Variants in EBAG9 observed in about 807,000 individuals in gnomAD.
The protein encoded by EBAG9 is estrogen receptor binding site associated antigen 9.
A neutral mutation model predicts 30.9 loss-of-function variants in EBAG9; 16 were observed. The observed-to-expected ratio is 0.52, with a 90% CI of 0.35 to 0.79. The LOEUF is 0.79. Ranked by LOEUF, EBAG9 falls within the 30% of genes least tolerant of loss-of-function variation. The pLI is 0.01. For missense variants in EBAG9, 197 were observed against 242.1 expected (o/e 0.81, Z 1.24); for synonymous variants, 93 against 82.8 (o/e 1.12, Z -0.67).
chr8:109,545,359 C>A, intron 1 of EBAG9, among the ~76,000 whole-genome samples: 2 of 146,978 alleles, frequency 1.4e-5, no homozygotes, highest in Admixed American at 6.8e-5. Context: ...CAAAATAATG[C>A]CAGTTTTACC....
intron 1 of EBAG9, among the ~76,000 whole-genome samples, chr8:109,548,545 G>A (rs1821430611): frequency 6.6e-6 from 1 of 152,106 alleles, no homozygotes; most frequent in African/African-American, 2.4e-5. Flanking sequence ...GATTTTGGTT[G>A]AGATTGCCTG....
chr8:109,559,533 C>T (rs774452796), intron 5 of EBAG9, among the ~76,000 whole-genome samples: 4 of 152,026 alleles, frequency 2.6e-5, no homozygotes, highest in African/African-American at 4.8e-5. Flanking sequence ...GAAAGCCAGC[C>T]GAGTGCAGTG....
At chr8:109,544,678 GCACATATGCACACA>G (rs1402613007) in intron 1 of EBAG9, among the ~76,000 whole-genome samples, 1 of 152,166 alleles carries the variant, frequency 6.6e-6, no homozygotes, top group Non-Finnish European at 1.5e-5. Flanking sequence ...GTAAGTGTGT[GCACATATGCACACA>G]CATATGTATG....
At chr8:109,557,161 G>C (rs182803837) in intron 5 of EBAG9, 119 bp downstream of exon 5, 164 of 539,406 alleles carry the variant, frequency 3.0e-4, no homozygotes, top group Non-Finnish European at 4.7e-4. Flanking sequence ...TTTGAAACAG[G>C]TTTAGCAGTT....
chr8:109,560,986 C>A, intron 6 of EBAG9, 57 bp downstream of exon 6: 1 of 1,472,146 alleles, frequency 6.8e-7, no homozygotes, highest in Non-Finnish European at 9.4e-7. Flanking sequence ...TTCTTCCCTG[C>A]TGTGTTTCAA....
intron 6 of EBAG9, chr8:109,563,249 A>T: frequency 1.3e-6 from 1 of 792,530 alleles, no homozygotes; most frequent in Non-Finnish European, 2.0e-6. Context: ...CACTGTAGTT[A>T]ATATTGAGCT....
At chr8:109,553,313 G>T (rs182307921) in intron 2 of EBAG9, among the ~76,000 whole-genome samples, 1 of 152,250 alleles carries the variant, frequency 6.6e-6, no homozygotes, top group Non-Finnish European at 1.5e-5. Flanking sequence ...GAAAACTGTG[G>T]TTTACACAGA....
At position 109,565,395 on chromosome 8, in the gene EBAG9, C is replaced by CTT. The variant is rs1224935248; in HGVS notation, c.*837_*838dup. On this transcript the variant is annotated 3_prime_UTR_variant, in exon 7 of 7. Transcript: ENST00000337573. The stretch of plus-strand genomic sequence containing the variant: ...CCCAAAAGCCATTAATTTACAAATG[C>CTT]TTAAAGCCATCAGGTCAAATATTTC... 9.2e-5 allele frequency: 14 copies of CTT among 152,012 alleles called. No homozygotes were observed. Among genetic ancestry groups the CTT allele is most frequent in the African/African-American group, 3.4e-4 (14 of 41,426 alleles). The allele number at this position is 152,012 out of a possible 1,614,324, so 9.4% of individuals were successfully genotyped here. A position where few individuals can be genotyped will look rare whatever the true frequency, so the allele number is the denominator to read the frequency against.
At chr8:109,546,084 A>T (rs1821378725) in intron 1 of EBAG9, among the ~76,000 whole-genome samples, 1 of 152,230 alleles carries the variant, frequency 6.6e-6, no homozygotes, top group Admixed American at 6.5e-5. Flanking sequence ...AGAAGTTCTG[A>T]AATAATGTTT....
chr8:109,553,350 G>C (rs1394198660), intron 2 of EBAG9, among the ~76,000 whole-genome samples: 1 of 152,176 alleles, frequency 6.6e-6, no homozygotes, highest in Non-Finnish European at 1.5e-5. Context: ...CTTAACAACT[G>C]AGTTATAGTA....
chr8:109,564,562 C>T lies in EBAG9; in HGVS notation c.*3C>T. The stretch of plus-strand genomic sequence containing the variant: ...AAATTGGTGTGAAACTTTCATAACA[C>T]ATGTTCAAATTTTATCATGCCAGTA... On this transcript the variant is annotated 3_prime_UTR_variant, in exon 7 of 7. Coordinates refer to ENST00000337573, the MANE Select transcript of EBAG9 (RefSeq NM_004215.5). The T allele has an allele frequency of 6.2e-7, 1 of 1,611,348 alleles. No individual in the cohort carries two copies.
At chr8:109,557,625 T>G in intron 5 of EBAG9, 1 of 453,924 alleles carries the variant, frequency 2.2e-6, no homozygotes, top group African/African-American at 2.0e-5. Flanking sequence ...CCAAATTCAG[T>G]GACTTAAAAT....
chr8:109,554,927 T>A, intron 4 of EBAG9, 40 bp downstream of exon 4: 1 of 1,575,288 alleles, frequency 6.3e-7, no homozygotes, highest in Non-Finnish European at 8.7e-7. Flanking sequence ...AAACTACTTT[T>A]TAGATTCCTA....
intron 4 of EBAG9, 98 bp downstream of exon 4, chr8:109,554,985 C>CA: frequency 1.0e-6 from 1 of 958,416 alleles, no homozygotes; most frequent in Non-Finnish European, 1.4e-6. Context: ...AAGCCTATTT[C>CA]TTTTTTTTTT....
intron 5 of EBAG9, 60 bp downstream of exon 5, chr8:109,557,102 G>C (rs1821616404): frequency 9.1e-7 from 1 of 1,101,420 alleles, no homozygotes; most frequent in African/African-American, 1.6e-5. Flanking sequence ...CTTTAAAGCA[G>C]AGGAATAAAA....
intron 4 of EBAG9, among the ~76,000 whole-genome samples, chr8:109,556,167 CAT>C (rs753192209): frequency 6.6e-5 from 10 of 151,406 alleles, no homozygotes; most frequent in African/African-American, 9.7e-5. Context: ...ATATTTTTAT[CAT>C]ATATATATAT....
chr8:109,558,393 A>G (rs943585174), intron 5 of EBAG9, among the ~76,000 whole-genome samples: 4 of 152,210 alleles, frequency 2.6e-5, no homozygotes, highest in Admixed American at 6.5e-5. Context: ...CTATGAACAC[A>G]TAACACCATA....
intron 1 of EBAG9, among the ~76,000 whole-genome samples, chr8:109,543,135 C>CTTTTTTTTTTTTTTTTCTTTTTTTTTTTT (rs1821310933): frequency 1.9e-5 from 1 of 52,860 alleles, no homozygotes; most frequent in African/African-American, 4.0e-5. Context: ...TATTCTGGTT[C>CTTTTTTTTTTTTTTTTCTTTTTTTTTTTT]TTTTTTTTTT....
At chr8:109,553,751 T>A (rs1032547555) in intron 2 of EBAG9, 114 bp from the exon 3 acceptor site, 3 of 767,298 alleles carry the variant, frequency 3.9e-6, no homozygotes, top group Non-Finnish European at 6.1e-6. Context: ...AAATCAATAA[T>A]CATAAAATTG....
Sources: gnomAD v4.1 joint callset for allele counts (sites outside exome capture counted in the v4.1 genomes callset) on GRCh38, gnomAD v4.1.1 for gene constraint, MANE v1.5 for transcripts, NCBI Gene and HGNC (gene_info 2026-07-23, HGNC 2026-07-21) for gene names.